CLNK: variants seen among roughly 807,000 people sequenced by gnomAD.
CLNK encodes the protein cytokine dependent hematopoietic cell linker, also known as cytokine-dependent hematopoietic cell linker.
CLNK carries 74 observed loss-of-function variants against 68.6 expected under a neutral mutation model. That is an observed-to-expected ratio of 1.08 (90% CI 0.89 to 1.31). The LOEUF is 1.31. CLNK is among the 50% of genes most tolerant of loss of function. The pLI is 0.00. For missense variants in CLNK, 553 were observed against 515.3 expected, an observed-to-expected ratio of 1.07 and a Z score of -0.71; for synonymous variants, 198 against 172.2, an observed-to-expected ratio of 1.15 and a Z score of -1.17.
the CLNK span, among the ~76,000 whole-genome samples, chr4:10,706,056 G>A: frequency 6.6e-6 from 1 of 152,246 alleles, no homozygotes; most frequent in African/African-American, 2.4e-5. Flanking sequence ...TGGAGAAGAG[G>A]AACCAGAAAC....
intron 2 of CLNK, among the ~76,000 whole-genome samples, chr4:10,647,873 C>T (rs528388673): frequency 1.3e-5 from 2 of 152,278 alleles, no homozygotes; most frequent in East Asian, 3.9e-4. Flanking sequence ...CATAGATGCT[C>T]CTCCTCTTAT....
chr4:10,616,806 A>G (rs1330614871), intron 2 of CLNK, among the ~76,000 whole-genome samples: 11 of 80,530 alleles, frequency 1.4e-4, no homozygotes, highest in African/African-American at 5.0e-4. Flanking sequence ...ATATATATAT[A>G]TATATATATA....
intron 3 of CLNK, among the ~76,000 whole-genome samples, chr4:10,593,065 C>T (rs1469949791): frequency 1.3e-5 from 2 of 152,114 alleles, no homozygotes; most frequent in East Asian, 3.9e-4. Flanking sequence ...AGGACAACTC[C>T]CAGAAAGCCA....
At position 10,617,090 on chromosome 4, in the gene CLNK, T is replaced by G. The variant is rs1722265993; in HGVS notation, c.12-19041A>C. On this transcript the variant is annotated intron_variant, in intron 2 of 18. Coordinates refer to ENST00000226951, the MANE Select transcript of CLNK (RefSeq NM_052964.4). ...GTCTTAGTTGTACTGTGAGAGTGAGTGCACAATATAAGTTAATGCTACTAT... is the reference window on the plus strand; with the variant it reads ...GTCTTAGTTGTACTGTGAGAGTGAGGGCACAATATAAGTTAATGCTACTAT... 3.3e-5 allele frequency among the ~76,000 whole-genome samples: 5 copies of G among 152,008 alleles called. 1 individual carries two copies. In the South Asian group the frequency reaches 8.3e-4, roughly 25 times the overall value.
chr4:10,653,336 C>T (rs1723829286), intron 2 of CLNK, among the ~76,000 whole-genome samples: 2 of 151,672 alleles, frequency 1.3e-5, no homozygotes, highest in African/African-American at 2.4e-5. Context: ...ACATTCTGCA[C>T]ACGTACTCCA....
intron 2 of CLNK, among the ~76,000 whole-genome samples, chr4:10,598,844 C>G (rs1312046531): frequency 6.6e-6 from 1 of 152,226 alleles, no homozygotes; most frequent in Non-Finnish European, 1.5e-5. Context: ...CAACTGCCTC[C>G]TTAGCTCAGC....
chr4:10,508,770 A>G (rs1717424198), intron 16 of CLNK, among the ~76,000 whole-genome samples: 1 of 152,182 alleles, frequency 6.6e-6, no homozygotes, highest in Admixed American at 6.5e-5. Context: ...TAGGCATGTC[A>G]TGTAGTATAG....
At chr4:10,532,018 A>G (rs1718563755) in intron 12 of CLNK, among the ~76,000 whole-genome samples, 3 of 152,234 alleles carry the variant, frequency 2.0e-5, no homozygotes. Context: ...CGTTCTTCCT[A>G]TAACAAATGA....
intron 17 of CLNK, among the ~76,000 whole-genome samples, chr4:10,505,191 C>T (rs1717241344): frequency 6.6e-6 from 1 of 152,184 alleles, no homozygotes; most frequent in Non-Finnish European, 1.5e-5. Context: ...AAGGCATGGC[C>T]AGATTCCCTG....
At chr4:10,584,822 A>T in intron 4 of CLNK, 105 bp downstream of exon 4, 1 of 1,167,044 alleles carries the variant, frequency 8.6e-7, no homozygotes, top group Non-Finnish European at 1.3e-6. Context: ...CATTTCAAAT[A>T]GGCCATAGTT....
chr4:10,516,707 C>A (rs995255123), intron 15 of CLNK, among the ~76,000 whole-genome samples: 1 of 152,202 alleles, frequency 6.6e-6, no homozygotes, highest in Admixed American at 6.5e-5. Context: ...CGCCCGCCAC[C>A]ATGCCCAGCT....
intron 2 of CLNK, among the ~76,000 whole-genome samples, chr4:10,647,905 T>G (rs1723575701): frequency 6.6e-6 from 1 of 152,156 alleles, no homozygotes. Flanking sequence ...TGCCATAGAT[T>G]CTGAATTGAA....
the CLNK span, among the ~76,000 whole-genome samples, chr4:10,714,120 C>T: frequency 6.6e-6 from 1 of 152,098 alleles, no homozygotes; most frequent in Non-Finnish European, 1.5e-5. Context: ...AGAGCTGCAG[C>T]CAACCAGAGC....
At chr4:10,690,554 T>C in the CLNK span, among the ~76,000 whole-genome samples, 1 of 152,194 alleles carries the variant, frequency 6.6e-6, no homozygotes, top group African/African-American at 2.4e-5. Flanking sequence ...TATCCATTAA[T>C]TACAAATTCA....
intron 1 of CLNK, among the ~76,000 whole-genome samples, chr4:10,677,966 C>T (rs979799940): frequency 1.3e-5 from 2 of 152,124 alleles, no homozygotes; most frequent in African/African-American, 4.8e-5. Flanking sequence ...ATTGAACAAT[C>T]CTGTCATTCT....
chr4:10,537,674 TCTTTCTTC>T (rs1474260219), intron 11 of CLNK, among the ~76,000 whole-genome samples: 54 of 46,868 alleles, frequency 1.2e-3, no homozygotes, highest in South Asian at 4.6e-3. Flanking sequence ...TTTCTTTCTT[TCTTTCTTC>T]CTTCCTTCCT....
intron 16 of CLNK, among the ~76,000 whole-genome samples, chr4:10,510,989 C>T (rs1302290237): frequency 6.6e-6 from 1 of 152,146 alleles, no homozygotes; most frequent in Non-Finnish European, 1.5e-5. Context: ...CCCGTCTGTA[C>T]TGAAAATACA....
intron 2 of CLNK, among the ~76,000 whole-genome samples, chr4:10,639,547 C>T (rs1272930248): frequency 1.3e-5 from 2 of 152,156 alleles, no homozygotes; most frequent in African/African-American, 4.8e-5. Context: ...AGATTTTCTG[C>T]TTTATATAAG....
intron 18 of CLNK, among the ~76,000 whole-genome samples, chr4:10,495,015 A>G (rs1454806273): frequency 6.6e-6 from 1 of 152,046 alleles, no homozygotes; most frequent in African/African-American, 2.4e-5. Flanking sequence ...TGAGAGTGAA[A>G]GAAGGAAAGG....
Sources: allele counts gnomAD v4.1 joint callset (sites outside exome capture counted in the v4.1 genomes callset), GRCh38; gene constraint gnomAD v4.1.1; transcripts MANE v1.5; gene names NCBI Gene and HGNC (gene_info 2026-07-23, HGNC 2026-07-21).